Variants in CDK18 observed in about 807,000 individuals in gnomAD.
CDK18 encodes the protein cyclin dependent kinase 18.
CDK18 carries 52 observed loss-of-function variants against 62.0 expected under a neutral mutation model. The ratio of observed to expected loss-of-function variants is 0.84; its 90% CI spans 0.67 to 1.06. The LOEUF is 1.06. CDK18 is among the 50% of genes least tolerant of loss of function. CDK18 has a pLI of 0.00. For synonymous variants in CDK18, 237 were observed against 247.0 expected (o/e 0.96, Z 0.38); for missense variants, 604 against 619.9 (o/e 0.97, Z 0.27).
Position 205,527,517 on chromosome 1 carries a change from G to A in CDK18, c.730-277G>A. 1 of 371,658 alleles carries A rather than the reference G, an allele frequency of 2.7e-6. No homozygotes were observed. The highest frequency in any genetic ancestry group is 3.6e-5 in the South Asian group (1 of 27,582). 23.0% of individuals were successfully genotyped at this position (371,658 alleles called of 1,614,324 possible). A position where few individuals can be genotyped will look rare whatever the true frequency, so the allele number is the denominator to read the frequency against. ...AAAAAAAAAGGGATCAAGCACATATGTCTCCACATAGGCGGGCATCCTGAC... is the reference window on the plus strand; with the variant it reads ...AAAAAAAAAGGGATCAAGCACATATATCTCCACATAGGCGGGCATCCTGAC... On this transcript the variant is annotated intron_variant, in intron 8 of 15. Transcript: ENST00000429964. The surrounding 1 kb of genome is among the most constrained non-coding windows in gnomAD (Gnocchi z 4.1).
Position 205,527,409 on chromosome 1 carries a change from G to A in CDK18, c.730-385G>A, listed in dbSNP as rs897590658. On this transcript the variant is annotated intron_variant, in intron 8 of 15. Coordinates refer to ENST00000429964, the MANE Select transcript of CDK18 (RefSeq NM_212502.3). This position sits in a 1 kb window ranked among gnomAD's most constrained non-coding sequence, Gnocchi z 4.1. ...CAGGAGGGCCACTTGAGCCCGGGAG[G>A]TTGAGGCTGCAGTGAGCCATGATCA... is the stretch of plus-strand genomic sequence containing the variant. The A allele has an allele frequency of 2.3e-5, 5 of 215,512 alleles. No homozygotes were observed. The highest frequency in any genetic ancestry group is 3.7e-5 in the Non-Finnish European group (4 of 107,548). 13.3% of individuals were successfully genotyped at this position (215,512 alleles called of 1,614,324 possible). A position where few individuals can be genotyped will look rare whatever the true frequency, so the allele number is the denominator to read the frequency against.
chr1:205,519,225 C>G (rs560351659), intron 1 of CDK18, among the ~76,000 whole-genome samples: 1 of 152,148 alleles, frequency 6.6e-6, no homozygotes, highest in Non-Finnish European at 1.5e-5. Context: ...CCCCTCGACC[C>G]CCAAATCTGA....
intron 15 of CDK18, among the ~76,000 whole-genome samples, 158 bp downstream of exon 15, chr1:205,530,863 C>T (rs1325808732): frequency 6.6e-6 from 1 of 152,196 alleles, no homozygotes; most frequent in Non-Finnish European, 1.5e-5. Context: ...CCTAGACTTC[C>T]TCGTCCAGCT....
chr1:205,527,106 A>C lies in CDK18; in HGVS notation c.729+269A>C. The C allele has an allele frequency of 2.1e-6, 1 of 465,956 alleles. No individual in the cohort carries two copies. 28.9% of individuals were successfully genotyped at this position (465,956 alleles called of 1,614,324 possible). A position where few individuals can be genotyped will look rare whatever the true frequency, so the allele number is the denominator to read the frequency against. ...GAACATCAGTTTCCCAGTCTGTCAA[A>C]TGGGAGTGTGAGCTACCTGCCAAAA... On this transcript the variant is annotated intron_variant, in intron 8 of 15. Coordinates refer to ENST00000429964, the MANE Select transcript of CDK18 (RefSeq NM_212502.3). The surrounding 1 kb of genome is among the most constrained non-coding windows in gnomAD (Gnocchi z 4.1).
In CDK18 at chr1:205,530,662, C is replaced by T. The variant is rs767055966; in HGVS notation, c.1347C>T (p.Leu449=). ...TCTTCTCCCTGAAGGAGATCCAGCT[C>T]CAGAAGGACCCAGGCTACCGAGGCT... ...ASIFSLKEIQ[L]QKDPGYRGLA... Residue 449 remains leucine, a synonymous_variant, in exon 15 of 16, where the codon CTC becomes CTT. Coordinates refer to ENST00000429964, the MANE Select transcript of CDK18 (RefSeq NM_212502.3). The T allele has an allele frequency of 1.2e-6, 2 of 1,613,932 alleles. No individual in the cohort carries two copies. Among genetic ancestry groups the T allele is most frequent in the Admixed American group, 1.7e-5 (1 of 60,016 alleles).
intron 11 of CDK18, 86 bp downstream of exon 11, chr1:205,529,182 C>A: frequency 1.5e-6 from 2 of 1,372,156 alleles, no homozygotes; most frequent in Non-Finnish European, 2.0e-6. Context: ...CGGGGAGGAG[C>A]GGCTCGGCCG....
At chr1:205,510,520 C>G (rs1454901778) in intron 1 of CDK18, among the ~76,000 whole-genome samples, 1 of 152,226 alleles carries the variant, frequency 6.6e-6, no homozygotes, top group Non-Finnish European at 1.5e-5. Flanking sequence ...CGTGGCTGGG[C>G]TGGGTGCCAT....
intron 15 of CDK18, among the ~76,000 whole-genome samples, chr1:205,530,958 C>T (rs1477115742): frequency 6.6e-6 from 1 of 152,258 alleles, no homozygotes; most frequent in African/African-American, 2.4e-5. Flanking sequence ...CTGGTGCATT[C>T]TCTCTGCAAA....
At chr1:205,515,670 A>G (rs1667783501) in intron 1 of CDK18, among the ~76,000 whole-genome samples, 1 of 152,080 alleles carries the variant, frequency 6.6e-6, no homozygotes, top group Non-Finnish European at 1.5e-5. Flanking sequence ...AACTGCAGAG[A>G]ATTTTGGAGA....
In CDK18 at chr1:205,517,961, G is replaced by A. The variant is rs1667908670; in HGVS notation, c.-21-5186G>A. Among the ~76,000 whole-genome samples the A allele has an allele frequency of 6.6e-6, 1 of 152,084 alleles. No homozygotes were observed. The highest frequency in any genetic ancestry group is 6.5e-5 in the Admixed American group (1 of 15,274). On this transcript the variant is annotated intron_variant, in intron 1 of 15. Transcript: ENST00000429964. This position sits in a 1 kb window ranked among gnomAD's most constrained non-coding sequence, Gnocchi z 4.1. Reference sequence around the variant, plus strand: ...CACAGCTGCTCCGCACTCCCATCCAGCATCTTCTCCAGCCACATCATTGTC... The same window carrying A: ...CACAGCTGCTCCGCACTCCCATCCAACATCTTCTCCAGCCACATCATTGTC...
In CDK18 at chr1:205,527,781, C is replaced by T; in HGVS notation, c.730-13C>T. Reference sequence around the variant, plus strand: ...CCACCTTCCACCCCACATTTCTCTTCCCCCTCCCCCAGATTTTCATGTTCC... The same window carrying T: ...CCACCTTCCACCCCACATTTCTCTTTCCCCTCCCCCAGATTTTCATGTTCC... On this transcript the variant is annotated splice_polypyrimidine_tract_variant and intron_variant, in intron 8 of 15. Coordinates refer to ENST00000429964, the MANE Select transcript of CDK18 (RefSeq NM_212502.3). This position sits in a 1 kb window ranked among gnomAD's most constrained non-coding sequence, Gnocchi z 4.1. The T allele has an allele frequency of 6.2e-7, 1 of 1,613,232 alleles. No individual in the cohort carries two copies. Among genetic ancestry groups the T allele is most frequent in the Non-Finnish European group, 8.5e-7 (1 of 1,179,376 alleles).
intron 1 of CDK18, among the ~76,000 whole-genome samples, chr1:205,515,173 A>AT (rs34027094): frequency 0.13 from 15,412 of 117,578 alleles, 1,385 homozygotes; most frequent in African/African-American, 0.19. Flanking sequence ...GCTTTGAAGG[A>AT]TTTTTTTTTT....
At chr1:205,525,230 AGGCAGGATGGCTTGGAGGAGG>A (rs1289767797) in intron 5 of CDK18, 35 bp downstream of exon 5, 1 of 1,546,756 alleles carries the variant, frequency 6.5e-7, no homozygotes, top group East Asian at 2.3e-5. Context: ...CCGAATAGCC[AGGCAGGATGGCTTGGAGGAGG>A]GGCAGACCTC....
intron 1 of CDK18, among the ~76,000 whole-genome samples, chr1:205,509,929 A>G (rs1272106733): frequency 6.6e-6 from 1 of 151,984 alleles, no homozygotes; most frequent in Non-Finnish European, 1.5e-5. Flanking sequence ...AAAATACAAA[A>G]ATTAGCCAGG....
chr1:205,531,732 ACT>A lies in CDK18; in HGVS notation c.*357_*358del. On this transcript the variant is annotated 3_prime_UTR_variant, in exon 16 of 16. Transcript: ENST00000429964. ...ACAGAATCAAGGCGCCAGGATGGGC[ACT>A]CTGCCCTGGATACAGGCTCTACCCT... 1 of 319,332 alleles carries A rather than the reference ACT, an allele frequency of 3.1e-6. No homozygotes were observed. Among genetic ancestry groups the A allele is most frequent in the South Asian group, 3.0e-5 (1 of 32,902 alleles). The allele number at this position is 319,332 out of a possible 1,614,324, so 19.8% of individuals were successfully genotyped here. A position where few individuals can be genotyped will look rare whatever the true frequency, so the allele number is the denominator to read the frequency against.
intron 1 of CDK18, among the ~76,000 whole-genome samples, chr1:205,510,726 C>T (rs1001155333): frequency 6.6e-6 from 1 of 152,272 alleles, no homozygotes; most frequent in East Asian, 1.9e-4. Flanking sequence ...CCTCAGTGGC[C>T]TCGGGCAGAT....
chr1:205,523,856 A>T, intron 3 of CDK18: 1 of 637,154 alleles, frequency 1.6e-6, no homozygotes. Context: ...TGCTTAGAAC[A>T]TTCCTGAATT....
intron 4 of CDK18, among the ~76,000 whole-genome samples, chr1:205,524,589 C>T (rs1010784030): frequency 3.9e-5 from 6 of 152,256 alleles, no homozygotes; most frequent in African/African-American, 1.4e-4. Context: ...GTGGGTCCCA[C>T]GGTCTCCACA....
In CDK18 at chr1:205,528,247, G is replaced by T. The variant is rs1668543610; in HGVS notation, c.974+79G>T. ...CAGACTCTCCTTTGCTTCCCCAAGGGCCTCGGGGAAGAACTGCCTAACTTC... is the reference window on the plus strand; with the variant it reads ...CAGACTCTCCTTTGCTTCCCCAAGGTCCTCGGGGAAGAACTGCCTAACTTC... On this transcript the variant is annotated intron_variant, in intron 10 of 15. Coordinates refer to ENST00000429964, the MANE Select transcript of CDK18 (RefSeq NM_212502.3). This position sits in a 1 kb window ranked among gnomAD's most constrained non-coding sequence, Gnocchi z 4.2. 4 of 1,527,880 alleles carry T rather than the reference G, an allele frequency of 2.6e-6. No homozygotes were observed. Among genetic ancestry groups the T allele is most frequent in the Admixed American group, 3.7e-5 (2 of 54,584 alleles). The allele number at this position is 1,527,880 out of a possible 1,614,324, so 94.6% of individuals were successfully genotyped here. A position where few individuals can be genotyped will look rare whatever the true frequency, so the allele number is the denominator to read the frequency against.
Sources: gnomAD v4.1 joint callset for allele counts (sites outside exome capture counted in the v4.1 genomes callset) on GRCh38, gnomAD v4.1.1 for gene constraint, Gnocchi (gnomAD v3.1) non-coding constraint, MANE v1.5 for transcripts, NCBI Gene and HGNC (gene_info 2026-07-23, HGNC 2026-07-21) for gene names.